Variants in PROS1 observed in about 807,000 individuals in gnomAD.
PROS1 encodes the protein protein S.
In PROS1, 29 loss-of-function variants were observed where a neutral mutation model predicts 75.9. The observed-to-expected ratio is 0.38, with a 90% CI of 0.28 to 0.52. The LOEUF (loss-of-function observed/expected upper bound fraction) is 0.52, where lower values mean the gene tolerates loss of function less well. Ranked by LOEUF, PROS1 falls within the 20% of genes least tolerant of loss-of-function variation. The probability of loss-of-function intolerance (pLI) is 0.83; values close to 1 mark genes in which losing one functional copy is unlikely to be tolerated. For synonymous variants in PROS1, 245 were observed against 280.6 expected, an observed-to-expected ratio of 0.87 and a Z score of 1.27; for missense variants, 680 against 810.3, an observed-to-expected ratio of 0.84 and a Z score of 1.95.
rs554067352 is a variant in PROS1, at chr3:93,966,456, C to T, written c.76+7218G>A. On this transcript the variant is annotated intron_variant, in intron 1 of 14. Coordinates refer to ENST00000394236, the MANE Select transcript of PROS1 (RefSeq NM_000313.4). ...ACTTAATGACCATCAGTTATGTTTC[C>T]TCTCAAGACTATCTAGTGCAAGGAC... Among the ~76,000 whole-genome samples the T allele has an allele frequency of 3.0e-3, 458 of 152,276 alleles. 3 individuals are homozygous for T. The highest frequency in any genetic ancestry group is 0.024 in the Middle Eastern group (7 of 294).
chr3:93,934,150 A>C (rs1709147998), intron 1 of PROS1, among the ~76,000 whole-genome samples: 1 of 152,052 alleles, frequency 6.6e-6, no homozygotes, highest in Non-Finnish European at 1.5e-5. Context: ...ACTGCACTCC[A>C]GCCTGGGTGA....
At chr3:93,947,335 A>G (rs569899273) in intron 1 of PROS1, among the ~76,000 whole-genome samples, 1 of 152,218 alleles carries the variant, frequency 6.6e-6, no homozygotes, top group African/African-American at 2.4e-5. Flanking sequence ...TCCATTCAGA[A>G]TAACAAAACA....
At chr3:93,950,936 T>C (rs1709485290) in intron 1 of PROS1, among the ~76,000 whole-genome samples, 2 of 151,806 alleles carry the variant, frequency 1.3e-5, no homozygotes, top group Non-Finnish European at 2.9e-5. Flanking sequence ...GCTAAAAACC[T>C]TGAAAAAAGA....
intron 1 of PROS1, among the ~76,000 whole-genome samples, chr3:93,946,460 A>G (rs1013874288): frequency 1.3e-5 from 2 of 152,350 alleles, no homozygotes; most frequent in African/African-American, 4.8e-5. Flanking sequence ...AAACAGAGAT[A>G]TAGACCAATG....
intron 1 of PROS1, 122 bp from the exon 2 acceptor site, chr3:93,927,529 A>G (rs1709037903): frequency 1.7e-6 from 2 of 1,172,712 alleles, no homozygotes; most frequent in Non-Finnish European, 2.4e-6. Flanking sequence ...TAAAATCAGT[A>G]TGATCGAACT....
At chr3:93,921,331 A>C (rs1281159790) in intron 3 of PROS1, among the ~76,000 whole-genome samples, 4 of 152,224 alleles carry the variant, frequency 2.6e-5, no homozygotes, top group African/African-American at 9.6e-5. Context: ...CTTTTCTTTT[A>C]TTCCCTCACT....
At chr3:93,877,671 A>G (rs1559927625) in intron 13 of PROS1, among the ~76,000 whole-genome samples, 1 of 152,214 alleles carries the variant, frequency 6.6e-6, no homozygotes, top group Non-Finnish European at 1.5e-5. Context: ...AAATAAATGA[A>G]GAGGCCCTGA....
intron 6 of PROS1, among the ~76,000 whole-genome samples, chr3:93,903,015 C>T (rs1365462710): frequency 6.6e-6 from 1 of 151,832 alleles, no homozygotes; most frequent in Non-Finnish European, 1.5e-5. Context: ...TACAGGCACC[C>T]GCCACCACCC....
chr3:93,941,352 T>C (rs1166687465), intron 1 of PROS1, among the ~76,000 whole-genome samples: 2 of 152,134 alleles, frequency 1.3e-5, no homozygotes, highest in Non-Finnish European at 2.9e-5. Flanking sequence ...CTTGGCATAG[T>C]TCTTCATGAA....
intron 1 of PROS1, among the ~76,000 whole-genome samples, chr3:93,965,719 G>C (rs1709778762): frequency 6.6e-6 from 1 of 152,048 alleles, no homozygotes; most frequent in Non-Finnish European, 1.5e-5. Context: ...ATTTTTTATA[G>C]AGTCTCATTC....
At chr3:93,905,702 C>T in intron 6 of PROS1, 82 bp downstream of exon 6, 2 of 1,504,234 alleles carry the variant, frequency 1.3e-6, no homozygotes, top group South Asian at 1.2e-5. Context: ...ATCATTTTTC[C>T]AAAAATTTGC....
Position 93,970,581 on chromosome 3 carries a change from G to A in PROS1, c.76+3093C>T, listed in dbSNP as rs758702158. Among the ~76,000 whole-genome samples, 7 of 151,932 alleles carry A rather than the reference G, an allele frequency of 4.6e-5. No individual in the cohort carries two copies. In the East Asian group the frequency reaches 7.8e-4, roughly 17 times the overall value. On this transcript the variant is annotated intron_variant, in intron 1 of 14. Transcript: ENST00000394236. ...TGGTCTTGAACTCCTGGCTTCACGC[G>A]ATCCTTCCTCCTCAGCCTCCCAAAG... is the stretch of plus-strand genomic sequence containing the variant.
intron 1 of PROS1, among the ~76,000 whole-genome samples, chr3:93,930,740 C>T (rs557002711): frequency 7.2e-5 from 11 of 152,180 alleles, no homozygotes; most frequent in African/African-American, 2.2e-4. Flanking sequence ...TAAACATAAC[C>T]ACCTTTATTA....
chr3:93,949,274 T>C (rs1251603821), intron 1 of PROS1, among the ~76,000 whole-genome samples: 2 of 152,168 alleles, frequency 1.3e-5, no homozygotes, highest in Non-Finnish European at 2.9e-5. Context: ...GTTAGCTACA[T>C]AGGTTCACTT....
chr3:93,928,368 T>C (rs1291811132), intron 1 of PROS1, among the ~76,000 whole-genome samples: 1 of 150,850 alleles, frequency 6.6e-6, no homozygotes, highest in Admixed American at 6.6e-5. Flanking sequence ...GAAATGCCTA[T>C]GTCAAAAGCC....
At chr3:93,876,641 T>C (rs1279020555) in intron 14 of PROS1, among the ~76,000 whole-genome samples, 2 of 113,936 alleles carry the variant, frequency 1.8e-5, no homozygotes, top group East Asian at 5.3e-4. Flanking sequence ...ATGAACTGAA[T>C]AATAGATGAA....
chr3:93,949,092 C>A lies in PROS1; in HGVS notation c.77-21685G>T, dbSNP rs371418711. On this transcript the variant is annotated intron_variant, in intron 1 of 14. Coordinates refer to ENST00000394236, the MANE Select transcript of PROS1 (RefSeq NM_000313.4). The stretch of plus-strand genomic sequence containing the variant: ...CTCTAAATTGCTCTGGAGAAACAGG[C>A]ACTCACTAAGCAGGAGATTCCTAGA... Among the ~76,000 whole-genome samples, 73 of 152,310 alleles carry A rather than the reference C, an allele frequency of 4.8e-4. 1 individual carries two copies. In the South Asian group the frequency reaches 0.014, roughly 29 times the overall value.
chr3:93,940,362 A>T lies in PROS1; in HGVS notation c.77-12955T>A, dbSNP rs143412045. 5.3e-3 allele frequency among the ~76,000 whole-genome samples: 802 copies of T among 152,282 alleles called. 10 individuals are homozygous for T. Among genetic ancestry groups the T allele is most frequent in the Non-Finnish European group, 7.0e-3 (477 of 68,024 alleles). ...TTGGGTAACTCTTACATTGAGAGGT[A>T]CATCTGTCACCTTCTTAATCAATAT... On this transcript the variant is annotated intron_variant, in intron 1 of 14. Transcript: ENST00000394236.
chr3:93,924,649 C>A (rs1708989498), intron 2 of PROS1, among the ~76,000 whole-genome samples: 2 of 150,514 alleles, frequency 1.3e-5, no homozygotes, highest in South Asian at 2.1e-4. Flanking sequence ...TGTTGAATCA[C>A]AGTAACGTAC....
Sources: gnomAD v4.1 joint callset for allele counts (sites outside exome capture counted in the v4.1 genomes callset) on GRCh38, gnomAD v4.1.1 for gene constraint, MANE v1.5 for transcripts, NCBI Gene and HGNC (gene_info 2026-07-23, HGNC 2026-07-21) for gene names.